The following FHIT variants were observed in gnomAD, a reference collection of about 807,000 sequenced individuals.
FHIT encodes bis(5'-adenosyl)-triphosphatase.
A neutral mutation model predicts 17.9 loss-of-function variants in FHIT; 19 were observed. That is an observed-to-expected ratio of 1.06 (90% CI 0.74 to 1.56). FHIT has a LOEUF of 1.56. FHIT is among the 40% of genes most tolerant of loss of function. The pLI is 0.00. For missense variants in FHIT, 248 were observed against 189.2 expected, an observed-to-expected ratio of 1.31 and a Z score of -1.82; for synonymous variants, 81 against 69.7, an observed-to-expected ratio of 1.16 and a Z score of -0.81.
At chr3:60,476,080 G>C (rs1338063282) in intron 5 of FHIT, among the ~76,000 whole-genome samples, 3 of 152,194 alleles carry the variant, frequency 2.0e-5, no homozygotes, top group African/African-American at 4.8e-5. Flanking sequence ...ATAGAAGTGA[G>C]ATAGTAGAAA....
At chr3:60,635,539 T>C (rs1366087497) in intron 4 of FHIT, among the ~76,000 whole-genome samples, 2 of 152,324 alleles carry the variant, frequency 1.3e-5, no homozygotes, top group African/African-American at 2.4e-5. Flanking sequence ...GGAATTTAAG[T>C]CATCTATTTG....
chr3:59,759,720 T>C (rs1701408216), intron 8 of FHIT, among the ~76,000 whole-genome samples: 1 of 152,148 alleles, frequency 6.6e-6, no homozygotes, highest in African/African-American at 2.4e-5. Context: ...GTCCTTTCAG[T>C]ACATGTTTCC....
intron 5 of FHIT, among the ~76,000 whole-genome samples, chr3:60,074,933 A>G (rs1265537894): frequency 1.3e-5 from 2 of 152,094 alleles, no homozygotes; most frequent in Non-Finnish European, 1.5e-5. Context: ...TCTCCCTTTC[A>G]CTGGATCCAA....
intron 5 of FHIT, among the ~76,000 whole-genome samples, chr3:60,256,326 C>A (rs1003212438): frequency 1.3e-5 from 2 of 152,114 alleles, no homozygotes; most frequent in South Asian, 4.2e-4. Context: ...ACCTCAAGCT[C>A]CCCAAATTTC....
intron 5 of FHIT, among the ~76,000 whole-genome samples, chr3:60,355,770 G>A (rs1699628190): frequency 6.6e-6 from 1 of 152,082 alleles, no homozygotes; most frequent in African/African-American, 2.4e-5. Context: ...TGTCAACGAA[G>A]TAACTCTTCA....
intron 4 of FHIT, among the ~76,000 whole-genome samples, chr3:60,665,964 G>A (rs1236478737): frequency 6.6e-6 from 1 of 152,040 alleles, no homozygotes; most frequent in African/African-American, 2.4e-5. Flanking sequence ...TGGTTTCCCT[G>A]AGTACTAAAA....
intron 4 of FHIT, among the ~76,000 whole-genome samples, chr3:60,775,046 A>C (rs1700173772): frequency 6.6e-6 from 1 of 152,238 alleles, no homozygotes; most frequent in African/African-American, 2.4e-5. Flanking sequence ...AACTGTGTTA[A>C]TGCAGACCAA....
At chr3:60,180,967 T>G (rs1361700097) in intron 5 of FHIT, among the ~76,000 whole-genome samples, 1 of 152,070 alleles carries the variant, frequency 6.6e-6, no homozygotes, top group African/African-American at 2.4e-5. Context: ...TTTTTAAATT[T>G]TCTATTTTAA....
intron 4 of FHIT, among the ~76,000 whole-genome samples, chr3:60,562,427 G>A (rs192963658): frequency 5.8e-4 from 88 of 152,250 alleles, no homozygotes; most frequent in Admixed American, 2.5e-3. Context: ...GCCAGGTGGC[G>A]TCTCCAAGAA....
chr3:60,384,252 C>A (rs1442367657), intron 5 of FHIT, among the ~76,000 whole-genome samples: 3 of 147,232 alleles, frequency 2.0e-5, no homozygotes, highest in Non-Finnish European at 3.0e-5. Context: ...TGGTGACAGA[C>A]CAAGACTCCG....
At chr3:60,997,983 C>T (rs1161039900) in intron 3 of FHIT, among the ~76,000 whole-genome samples, 3 of 152,182 alleles carry the variant, frequency 2.0e-5, no homozygotes, top group Non-Finnish European at 4.4e-5. Flanking sequence ...GATCACAAAG[C>T]ACTCTCAACT....
intron 8 of FHIT, among the ~76,000 whole-genome samples, chr3:59,757,968 G>T (rs909960371): frequency 1.3e-5 from 2 of 152,120 alleles, no homozygotes; most frequent in Non-Finnish European, 2.9e-5. Context: ...ATAAGCCCAA[G>T]ATCTTTGCCT....
intron 5 of FHIT, among the ~76,000 whole-genome samples, chr3:60,280,280 G>A (rs1707369502): frequency 2.0e-5 from 3 of 152,196 alleles, no homozygotes; most frequent in African/African-American, 4.8e-5. Context: ...CATACTCAAT[G>A]GAGAGAAACT....
At chr3:60,432,629 T>C (rs953480) in intron 5 of FHIT, among the ~76,000 whole-genome samples, 15,308 of 152,104 alleles carry the variant, frequency 0.1, 1,266 homozygotes, top group East Asian at 0.38. Context: ...AATTCTAATT[T>C]TCACAGCTAA....
At chr3:60,142,010 T>C (rs916849985) in intron 5 of FHIT, among the ~76,000 whole-genome samples, 3 of 152,074 alleles carry the variant, frequency 2.0e-5, no homozygotes, top group Non-Finnish European at 4.4e-5. Flanking sequence ...ATGACAGACA[T>C]GGGGGGATAA....
chr3:60,465,663 A>G (rs1050991272), intron 5 of FHIT, among the ~76,000 whole-genome samples: 4 of 152,006 alleles, frequency 2.6e-5, no homozygotes, highest in African/African-American at 7.2e-5. Flanking sequence ...TCCTCAATGC[A>G]TATTCTTGGC....
intron 3 of FHIT, among the ~76,000 whole-genome samples, chr3:60,956,507 A>C (rs1382539791): frequency 6.6e-6 from 1 of 152,184 alleles, no homozygotes; most frequent in Non-Finnish European, 1.5e-5. Flanking sequence ...ACATGACCAA[A>C]TATTTGTATC....
rs782748153 is a variant in FHIT, at chr3:60,639,006, T to TA, written c.-17-102028dup. Among the ~76,000 whole-genome samples, 755 of 116,158 alleles carry TA rather than the reference T, an allele frequency of 6.5e-3. 10 individuals carry two copies. In the East Asian group the frequency reaches 0.079, roughly 12 times the overall value. 76.2% of individuals were successfully genotyped at this position (116,158 alleles called of 152,430 possible). On this transcript the variant is annotated intron_variant, in intron 4 of 9. Coordinates refer to ENST00000492590, the MANE Select transcript of FHIT (RefSeq NM_002012.4). The stretch of plus-strand genomic sequence containing the variant: ...AAGTAATTGTGATAGATGCATAAAT[T>TA]AAAAAAAAAAAAAAAGCTGTTCAAA...
chr3:60,355,104 G>T (rs1233201284), intron 5 of FHIT, among the ~76,000 whole-genome samples: 1 of 152,116 alleles, frequency 6.6e-6, no homozygotes, highest in Non-Finnish European at 1.5e-5. Context: ...TAGTCATTTT[G>T]TGTGTCAGAT....
Sources: gnomAD v4.1 joint callset for allele counts (sites outside exome capture counted in the v4.1 genomes callset) on GRCh38, gnomAD v4.1.1 for gene constraint, MANE v1.5 for transcripts, NCBI Gene and HGNC (gene_info 2026-07-23, HGNC 2026-07-21) for gene names.